The following ZNF280D variants were observed in gnomAD, a reference collection of about 807,000 sequenced individuals.
The protein encoded by ZNF280D is suppressor of hairy wing homolog 4.
A neutral mutation model predicts 94.7 loss-of-function variants in ZNF280D; 39 were observed. The ratio of observed to expected loss-of-function variants is 0.41; its 90% CI spans 0.32 to 0.54. The LOEUF (loss-of-function observed/expected upper bound fraction) is 0.54, where lower values mean the gene tolerates loss of function less well. Ranked by LOEUF, ZNF280D falls within the 20% of genes least tolerant of loss-of-function variation. The probability of loss-of-function intolerance (pLI) is 0.22; values close to 1 mark genes in which losing one functional copy is unlikely to be tolerated. For synonymous variants in ZNF280D, 398 were observed against 377.6 expected (o/e 1.05, Z -0.63); for missense variants, 1,090 against 1,149.3 (o/e 0.95, Z 0.75).
chr15:56,636,947 A>G (rs2052385040), intron 20 of ZNF280D, among the ~76,000 whole-genome samples: 2 of 152,058 alleles, frequency 1.3e-5, no homozygotes, highest in Non-Finnish European at 1.5e-5. Context: ...AAGTGGAGAT[A>G]GTCTAGACTT....
At chr15:56,729,996 T>C (rs1452415097) in intron 1 of ZNF280D, 1 of 152,216 alleles carries the variant, frequency 6.6e-6, no homozygotes, top group South Asian at 2.1e-4. Flanking sequence ...AAATTCTTAT[T>C]AAAAGCTCCA....
chr15:56,677,493 G>C, intron 12 of ZNF280D, 81 bp downstream of exon 12: 1 of 957,540 alleles, frequency 1.0e-6, no homozygotes, highest in Non-Finnish European at 1.6e-6. Context: ...TTTGCTGACC[G>C]CTGGTCTAAT....
Position 56,635,206 on chromosome 15 carries a change from T to C in ZNF280D, c.2304A>G (p.Ser768=). 1 of 1,557,044 alleles carries C rather than the reference T, an allele frequency of 6.4e-7. No individual in the cohort carries two copies. The highest frequency in any genetic ancestry group is 2.4e-5 in the East Asian group (1 of 41,668). The change falls in exon 21 of 22, where the codon TCA becomes TCG. Residue 768 remains serine, a synonymous_variant. Transcript: ENST00000267807. ...TTCCTTATATTTACCTTTCAGAATT[T>C]GATGTTTCTGTTTCTCTTTCAGCCA... ...PNMAERETET[S]NSESKQDKAA... is the part of the protein sequence containing the mutation.
intron 1 of ZNF280D, among the ~76,000 whole-genome samples, chr15:56,728,769 A>G (rs1942093710): frequency 6.6e-6 from 1 of 152,196 alleles, no homozygotes; most frequent in African/African-American, 2.4e-5. Context: ...TACTTCCAGT[A>G]CTCATACAAC....
chr15:56,632,994 T>A (rs1363758287), intron 21 of ZNF280D, among the ~76,000 whole-genome samples: 1 of 152,178 alleles, frequency 6.6e-6, no homozygotes, highest in Non-Finnish European at 1.5e-5. Context: ...TGTGCTTCTG[T>A]GTGTTTCTTC....
Position 56,635,246 on chromosome 15 carries a change from A to G in ZNF280D, c.2264T>C (p.Ile755Thr). 4 of 1,514,870 alleles carry G rather than the reference A, an allele frequency of 2.6e-6. No homozygotes were observed. Among genetic ancestry groups the G allele is most frequent in the Non-Finnish European group, 2.7e-6 (3 of 1,130,092 alleles). 93.8% of individuals were successfully genotyped at this position (1,514,870 alleles called of 1,614,324 possible). A position where few individuals can be genotyped will look rare whatever the true frequency, so the allele number is the denominator to read the frequency against. ...AKEQEPVSKE[I>T]ARPNMAERET... Reference sequence around the variant, plus strand: ...TCTTTCAGCCATGTTAGGTCTTGCAATTTCCTGAAATAATTAATAATACTT... The same window carrying G: ...TCTTTCAGCCATGTTAGGTCTTGCAGTTTCCTGAAATAATTAATAATACTT... Residue 755 changes from isoleucine (I) to threonine (T), a missense_variant, in exon 21 of 22, where the codon ATT becomes ACT. By Grantham distance (89) the Ile-to-Thr change is moderately conservative. This residue lies in a region of ZNF280D where 577 missense variants were observed against 568.8 expected (regional missense o/e 1.01). Transcript: ENST00000267807.
intron 1 of ZNF280D, among the ~76,000 whole-genome samples, chr15:56,718,890 A>G (rs2058189672): frequency 6.6e-6 from 1 of 152,214 alleles, no homozygotes; most frequent in South Asian, 2.1e-4. Flanking sequence ...TTTATCTTGC[A>G]GCTATTTTAA....
At chr15:56,675,462 C>T (rs764488710) in intron 13 of ZNF280D, among the ~76,000 whole-genome samples, 83 of 150,982 alleles carry the variant, frequency 5.5e-4, no homozygotes, top group South Asian at 8.4e-4. Context: ...CTATGTTCAA[C>T]AAAACAAACA....
rs899916642 is a variant in ZNF280D, at chr15:56,707,169, C to G, written c.-41-19G>C. 3.1e-6 allele frequency: 5 copies of G among 1,611,714 alleles called. No homozygotes were observed. In the African/African-American group the frequency reaches 6.7e-5, roughly 22 times the overall value. On this transcript the variant is annotated intron_variant, in intron 2 of 21. Transcript: ENST00000267807. ...CTAAGTACTGACACATGATATCAGTCAATTTAATGAGTCACTTTAAGTAAC... is the reference window on the plus strand; with the variant it reads ...CTAAGTACTGACACATGATATCAGTGAATTTAATGAGTCACTTTAAGTAAC...
At chr15:56,639,961 C>A (rs924391921) in intron 20 of ZNF280D, among the ~76,000 whole-genome samples, 1 of 151,572 alleles carries the variant, frequency 6.6e-6, no homozygotes, top group Non-Finnish European at 1.5e-5. Flanking sequence ...CACTCCCCAG[C>A]GATTTTTTTT....
intron 16 of ZNF280D, among the ~76,000 whole-genome samples, chr15:56,664,240 TAAAG>T (rs2054143133): frequency 6.6e-6 from 1 of 151,998 alleles, no homozygotes; most frequent in African/African-American, 2.4e-5. Flanking sequence ...ACTCAAAAGG[TAAAG>T]AAATGAATCA....
intron 4 of ZNF280D, among the ~76,000 whole-genome samples, chr15:56,702,851 T>C (rs1393587131): frequency 6.6e-6 from 1 of 151,094 alleles, no homozygotes; most frequent in Non-Finnish European, 1.5e-5. Context: ...AAGCAAGAAC[T>C]AGGCTTTCAA....
intron 12 of ZNF280D, among the ~76,000 whole-genome samples, chr15:56,677,021 A>G (rs549388451): frequency 1.3e-5 from 2 of 152,294 alleles, no homozygotes; most frequent in East Asian, 3.9e-4. Context: ...TAAGGGATAC[A>G]TCCCAAAACA....
At chr15:56,688,976 T>C (rs527639331) in intron 9 of ZNF280D, 65 bp downstream of exon 9, 148 of 996,068 alleles carry the variant, frequency 1.5e-4, no homozygotes, top group Non-Finnish European at 2.0e-4. Flanking sequence ...CATTAATTAC[T>C]GTAATCATCA....
intron 16 of ZNF280D, among the ~76,000 whole-genome samples, chr15:56,662,597 G>T (rs943185846): frequency 6.6e-6 from 1 of 152,078 alleles, no homozygotes. Context: ...GGCCAAGGCG[G>T]GTGGATCAAC....
chr15:56,723,103 A>T (rs1291446558), intron 1 of ZNF280D, among the ~76,000 whole-genome samples: 3 of 151,028 alleles, frequency 2.0e-5, no homozygotes, highest in Non-Finnish European at 4.4e-5. Flanking sequence ...GGGGAGGGAT[A>T]GCACTGGGAG....
intron 1 of ZNF280D, among the ~76,000 whole-genome samples, chr15:56,709,042 A>C (rs2057592976): frequency 6.6e-6 from 1 of 152,190 alleles, no homozygotes; most frequent in Admixed American, 6.5e-5. Flanking sequence ...TCTGCACAGC[A>C]AAAGAAACTA....
chr15:56,691,358 A>C (rs1162263640), intron 7 of ZNF280D, among the ~76,000 whole-genome samples: 1 of 152,214 alleles, frequency 6.6e-6, no homozygotes, highest in Admixed American at 6.5e-5. Flanking sequence ...AATTCTGTAT[A>C]ATCACATTCA....
intron 1 of ZNF280D, chr15:56,724,721 T>C (rs2058546924): frequency 3.7e-6 from 1 of 268,790 alleles, no homozygotes; most frequent in African/African-American, 2.2e-5. Flanking sequence ...GAACATACTT[T>C]ATAATCTCTA....
Sources: allele counts gnomAD v4.1 joint callset (sites outside exome capture counted in the v4.1 genomes callset), GRCh38; gene constraint gnomAD v4.1.1; regional missense constraint gnomAD v4.1.1; transcripts MANE v1.5; gene names NCBI Gene and HGNC (gene_info 2026-07-23, HGNC 2026-07-21).